Variants in SPTLC3 observed in about 807,000 individuals in gnomAD.
The protein encoded by SPTLC3 is serine palmitoyltransferase 3.
In SPTLC3, 36 loss-of-function variants were observed where a neutral mutation model predicts 59.3. That is an observed-to-expected ratio of 0.61 (90% CI 0.47 to 0.80). The LOEUF (loss-of-function observed/expected upper bound fraction) is 0.80. Among genes scored for constraint, SPTLC3 ranks in the 30% least tolerant of loss-of-function variants. The pLI is 0.00. For synonymous variants in SPTLC3, 257 were observed against 240.8 expected, an observed-to-expected ratio of 1.07 and a Z score of -0.62; for missense variants, 625 against 685.1, an observed-to-expected ratio of 0.91 and a Z score of 0.98.
chr20:13,029,556 C>G (rs1481602896), intron 1 of SPTLC3, among the ~76,000 whole-genome samples: 1 of 152,052 alleles, frequency 6.6e-6, no homozygotes, highest in Non-Finnish European at 1.5e-5. Context: ...TAATTATGAT[C>G]ATGGATATTA....
intron 10 of SPTLC3, among the ~76,000 whole-genome samples, chr20:13,159,067 T>TGGGA (rs1197883954): frequency 6.6e-6 from 1 of 152,234 alleles, no homozygotes; most frequent in Non-Finnish European, 1.5e-5. Context: ...AAGAGTCACT[T>TGGGA]GGGAGTACAT....
chr20:13,113,410 G>A (rs533291149), intron 7 of SPTLC3, among the ~76,000 whole-genome samples: 1 of 152,074 alleles, frequency 6.6e-6, no homozygotes, highest in South Asian at 2.1e-4. Context: ...TCAGCACAGA[G>A]CCCACATACA....
intron 9 of SPTLC3, among the ~76,000 whole-genome samples, chr20:13,153,097 CT>C (rs2038686419): frequency 6.6e-6 from 1 of 152,176 alleles, no homozygotes; most frequent in Non-Finnish European, 1.5e-5. Context: ...AAACTTTGGG[CT>C]GATTTCTAGG....
chr20:13,150,054 A>G (rs2038608162), intron 9 of SPTLC3, among the ~76,000 whole-genome samples: 1 of 152,202 alleles, frequency 6.6e-6, no homozygotes, highest in Non-Finnish European at 1.5e-5. Flanking sequence ...GACAGGCCAT[A>G]TGGAATACAT....
At chr20:13,036,875 T>C (rs1986758698) in intron 1 of SPTLC3, among the ~76,000 whole-genome samples, 1 of 152,164 alleles carries the variant, frequency 6.6e-6, no homozygotes, top group Admixed American at 6.6e-5. Context: ...TGATGGATCC[T>C]TTCCACTGCA....
chr20:13,100,934 A>G (rs1989578898), intron 6 of SPTLC3, among the ~76,000 whole-genome samples: 1 of 152,130 alleles, frequency 6.6e-6, no homozygotes, highest in Non-Finnish European at 1.5e-5. Context: ...TGTAATCACA[A>G]GTCACTTATT....
intron 3 of SPTLC3, 64 bp downstream of exon 3, chr20:13,072,474 C>T (rs1253132710): frequency 2.8e-6 from 4 of 1,440,296 alleles, no homozygotes; most frequent in Non-Finnish European, 3.7e-6. Flanking sequence ...CCTAGCATGG[C>T]CACTAGATGA....
chr20:13,010,790 C>T (rs1985201091), intron 1 of SPTLC3, among the ~76,000 whole-genome samples: 1 of 152,218 alleles, frequency 6.6e-6, no homozygotes, highest in Non-Finnish European at 1.5e-5. Flanking sequence ...GGGATCTCAT[C>T]TGGGAAGAGA....
intron 2 of SPTLC3, among the ~76,000 whole-genome samples, chr20:13,063,613 A>G (rs1359515260): frequency 6.7e-6 from 1 of 150,158 alleles, no homozygotes; most frequent in Non-Finnish European, 1.5e-5. Context: ...GAGGTAAAGG[A>G]CTATTTTTTA....
intron 8 of SPTLC3, among the ~76,000 whole-genome samples, chr20:13,119,743 G>A (rs1359999456): frequency 6.6e-6 from 1 of 152,162 alleles, no homozygotes; most frequent in Non-Finnish European, 1.5e-5. Flanking sequence ...AGATTCGTTA[G>A]CCTACGCTGA....
chr20:13,043,426 A>G (rs911455108), intron 1 of SPTLC3, among the ~76,000 whole-genome samples: 9 of 152,298 alleles, frequency 5.9e-5, no homozygotes, highest in African/African-American at 2.2e-4. Context: ...TCACTCTGAA[A>G]ACAAAAGTCT....
chr20:13,073,748 T>C (rs1600253126), intron 3 of SPTLC3: 12 of 552,908 alleles, frequency 2.2e-5, no homozygotes, highest in Non-Finnish European at 3.9e-5. Flanking sequence ...CAGTATCCAT[T>C]ATTCCAGACA....
At chr20:13,030,827 A>C (rs6041777) in intron 1 of SPTLC3, among the ~76,000 whole-genome samples, 15,886 of 152,094 alleles carry the variant, frequency 0.1, 1,243 homozygotes, top group African/African-American at 0.22. Context: ...CCTACTGATT[A>C]TTCAGATTTT....
chr20:13,164,783 T>A lies in SPTLC3; in HGVS notation c.1575T>A (p.Asp525Glu). The A allele has an allele frequency of 6.2e-7, 1 of 1,613,530 alleles. No homozygotes were observed. Among genetic ancestry groups the A allele is most frequent in the Non-Finnish European group, 8.5e-7 (1 of 1,179,670 alleles). The stretch of plus-strand genomic sequence containing the variant: ...TAGAAGCTCTTGATGAAATGGGTGA[T>A]CTCTTGCAACTGAAATATTCCCGGC... The part of the protein sequence containing the change: ...TVLEALDEMG[D>E]LLQLKYSRHK... Residue 525 changes from aspartate (D) to glutamate (E), a missense_variant, in exon 12 of 12, where the codon GAT (aspartate) becomes GAA (glutamate). Transcript: ENST00000399002.
intron 1 of SPTLC3, among the ~76,000 whole-genome samples, chr20:13,040,495 A>G (rs1986932005): frequency 6.6e-6 from 1 of 152,026 alleles, no homozygotes; most frequent in Admixed American, 6.6e-5. Flanking sequence ...AGTAGCTGGG[A>G]CCATAGGCGC....
chr20:13,089,637 T>C (rs1989139933), intron 4 of SPTLC3, among the ~76,000 whole-genome samples: 1 of 151,746 alleles, frequency 6.6e-6, no homozygotes, highest in African/African-American at 2.4e-5. Context: ...ATACAAAAAA[T>C]TAGCTGGGCA....
At chr20:13,101,358 A>G (rs1213433750) in intron 6 of SPTLC3, among the ~76,000 whole-genome samples, 1 of 152,206 alleles carries the variant, frequency 6.6e-6, no homozygotes, top group Non-Finnish European at 1.5e-5. Context: ...GCCAGGCCAT[A>G]TGTAGGAGTC....
chr20:13,129,941 G>GA (rs143445605), intron 9 of SPTLC3, among the ~76,000 whole-genome samples: 85 of 146,996 alleles, frequency 5.8e-4, no homozygotes, highest in African/African-American at 1.4e-3. Flanking sequence ...TCTTAAGAGA[G>GA]AAAAAAAAAA....
At chr20:13,047,551 T>C (rs1326946847) in intron 1 of SPTLC3, among the ~76,000 whole-genome samples, 1 of 152,100 alleles carries the variant, frequency 6.6e-6, no homozygotes, top group South Asian at 2.1e-4. Context: ...TTTGTATTTA[T>C]TGAATGAAAT....
Sources: allele counts gnomAD v4.1 joint callset (sites outside exome capture counted in the v4.1 genomes callset), GRCh38; gene constraint gnomAD v4.1.1; transcripts MANE v1.5; gene names NCBI Gene and HGNC (gene_info 2026-07-23, HGNC 2026-07-21).